The following NEGR1 variants were observed in gnomAD, a reference collection of about 807,000 sequenced individuals.
NEGR1 encodes the protein neuronal growth regulator 1.
Under a neutral mutation model 40.9 loss-of-function variants are expected in NEGR1, and 10 were observed. The ratio of observed to expected loss-of-function variants is 0.24; its 90% CI spans 0.15 to 0.42. The LOEUF is 0.42. Ranked by LOEUF, NEGR1 falls within the 10% of genes least tolerant of loss-of-function variation. The pLI is 1.00. For missense variants in NEGR1, 352 were observed against 438.9 expected (o/e 0.80, Z 1.77); for synonymous variants, 185 against 166.8 (o/e 1.11, Z -0.84).
intron 3 of NEGR1, among the ~76,000 whole-genome samples, chr1:71,758,303 T>C (rs1655813960): frequency 6.6e-6 from 1 of 152,108 alleles, no homozygotes; most frequent in Non-Finnish European, 1.5e-5. Flanking sequence ...TTATTAATGT[T>C]TAAAAGATTA....
chr1:71,810,614 C>T (rs1002016490), intron 2 of NEGR1, among the ~76,000 whole-genome samples: 2 of 152,098 alleles, frequency 1.3e-5, no homozygotes, highest in African/African-American at 2.4e-5. Flanking sequence ...GAATTATAAT[C>T]CCCAGTGTTG....
At chr1:71,428,828 A>C (rs1354731) in intron 6 of NEGR1, among the ~76,000 whole-genome samples, 141,793 of 151,864 alleles carry the variant, frequency 0.93, 66,623 homozygotes, top group Non-Finnish European at 0.99. Flanking sequence ...AGCACTTTGC[A>C]ATGCTGCCCC....
chr1:72,073,636 T>C lies in NEGR1; in HGVS notation c.177-138325A>G, dbSNP rs181330826. Reference sequence around the variant, plus strand: ...CATGTTCAATGCTACATATATACTTTCTTAAACTATGTCAATAATAATACA... The same window carrying C: ...CATGTTCAATGCTACATATATACTTCCTTAAACTATGTCAATAATAATACA... On this transcript the variant is annotated intron_variant, in intron 1 of 6. Coordinates refer to ENST00000357731, the MANE Select transcript of NEGR1 (RefSeq NM_173808.3). Among the ~76,000 whole-genome samples, 6 of 152,234 alleles carry C rather than the reference T, an allele frequency of 3.9e-5. No individual in the cohort carries two copies. In the East Asian group the frequency reaches 1.2e-3, roughly 29 times the overall value.
intron 2 of NEGR1, among the ~76,000 whole-genome samples, chr1:71,777,543 A>T (rs1164192461): frequency 1.3e-5 from 2 of 152,106 alleles, no homozygotes; most frequent in African/African-American, 4.8e-5. Flanking sequence ...CTATTACAGC[A>T]CAAATATAAA....
intron 6 of NEGR1, chr1:71,488,120 G>A (rs1383174339): frequency 6.6e-6 from 1 of 151,882 alleles, no homozygotes; most frequent in Non-Finnish European, 1.5e-5. Context: ...GTGGTGTGTG[G>A]GTCCCTTTTG....
chr1:72,008,974 C>A (rs1486102), intron 1 of NEGR1, among the ~76,000 whole-genome samples: 64,180 of 134,650 alleles, frequency 0.48, 15,312 homozygotes, highest in African/African-American at 0.66. Context: ...CATTAAACTT[C>A]CCTAACCACC....
At chr1:71,607,808 G>A (rs562612074) in intron 5 of NEGR1, among the ~76,000 whole-genome samples, 43 of 151,958 alleles carry the variant, frequency 2.8e-4, no homozygotes, top group African/African-American at 8.4e-4. Context: ...ATTCTCCTGC[G>A]TCAGCCTCCT....
intron 2 of NEGR1, among the ~76,000 whole-genome samples, chr1:71,850,010 A>G (rs545478403): frequency 9.2e-5 from 14 of 152,250 alleles, no homozygotes; most frequent in African/African-American, 3.1e-4. Context: ...CAAACTGGCA[A>G]TGTCTCCCAA....
rs149757175 is a variant in NEGR1, at chr1:71,668,925, A to G, written c.667+29083T>C. Reference sequence around the variant, plus strand: ...ACGTATGTTGACTGTGTTGTTTTATATAATTCCTGATTTTTTTTGGTTTGC... The same window carrying G: ...ACGTATGTTGACTGTGTTGTTTTATGTAATTCCTGATTTTTTTTGGTTTGC... On this transcript the variant is annotated intron_variant, in intron 4 of 6. Coordinates refer to ENST00000357731, the MANE Select transcript of NEGR1 (RefSeq NM_173808.3). 6.7e-3 allele frequency among the ~76,000 whole-genome samples: 1,020 copies of G among 152,206 alleles called. 8 individuals are homozygous for G. Among genetic ancestry groups the G allele is most frequent in the Middle Eastern group, 0.065 (19 of 294 alleles).
At chr1:71,906,046 C>T (rs757996255) in intron 2 of NEGR1, among the ~76,000 whole-genome samples, 9 of 152,052 alleles carry the variant, frequency 5.9e-5, no homozygotes, top group Non-Finnish European at 1.3e-4. Context: ...TGGCTAGCTG[C>T]AGCAAATTGA....
At chr1:71,767,766 T>A (rs1286582798) in intron 3 of NEGR1, among the ~76,000 whole-genome samples, 1 of 152,214 alleles carries the variant, frequency 6.6e-6, no homozygotes, top group African/African-American at 2.4e-5. Flanking sequence ...CCTGGAGGCC[T>A]ACCAAGGAAG....
chr1:72,276,023 G>A (rs1456446817), intron 1 of NEGR1, among the ~76,000 whole-genome samples: 1 of 152,080 alleles, frequency 6.6e-6, no homozygotes, highest in Non-Finnish European at 1.5e-5. Flanking sequence ...TTGAGCCCAA[G>A]GATCTAGAGG....
chr1:72,058,263 T>G (rs925695367), intron 1 of NEGR1, among the ~76,000 whole-genome samples: 1 of 151,620 alleles, frequency 6.6e-6, no homozygotes. Context: ...TAATAAGTTT[T>G]TTTTTTGTAT....
chr1:71,421,576 T>C (rs1646394354), intron 6 of NEGR1: 1 of 152,126 alleles, frequency 6.6e-6, no homozygotes, highest in African/African-American at 2.4e-5. Context: ...ATAAGCCACA[T>C]TTAAATACAT....
chr1:71,636,430 T>A (rs925250621), intron 4 of NEGR1, among the ~76,000 whole-genome samples: 1 of 152,084 alleles, frequency 6.6e-6, no homozygotes, highest in South Asian at 2.1e-4. Context: ...AGGCCACAGA[T>A]AATTAAAGGT....
intron 4 of NEGR1, among the ~76,000 whole-genome samples, chr1:71,678,244 C>T (rs1362564809): frequency 1.3e-5 from 2 of 152,074 alleles, no homozygotes; most frequent in African/African-American, 4.8e-5. Flanking sequence ...GGGGTAAAGG[C>T]AATTTTGAAC....
intron 2 of NEGR1, among the ~76,000 whole-genome samples, chr1:71,917,283 TAG>T (rs910318985): frequency 2.6e-5 from 4 of 152,220 alleles, no homozygotes; most frequent in African/African-American, 9.6e-5. Flanking sequence ...GGTGATGTAC[TAG>T]AAGTCTGACC....
intron 4 of NEGR1, among the ~76,000 whole-genome samples, chr1:71,673,946 C>T (rs1652523723): frequency 6.6e-6 from 1 of 151,870 alleles, no homozygotes; most frequent in South Asian, 2.1e-4. Context: ...CATTTTTGTA[C>T]TTTTTTGAAT....
intron 1 of NEGR1, among the ~76,000 whole-genome samples, chr1:72,255,318 A>G (rs928972021): frequency 6.6e-6 from 1 of 152,222 alleles, no homozygotes; most frequent in East Asian, 1.9e-4. Context: ...ATCTTAATTC[A>G]GAATTCATGA....
Sources: allele counts gnomAD v4.1 joint callset (sites outside exome capture counted in the v4.1 genomes callset), GRCh38; gene constraint gnomAD v4.1.1; transcripts MANE v1.5; gene names NCBI Gene and HGNC (gene_info 2026-07-23, HGNC 2026-07-21).